Variants in SHTN1 observed in about 807,000 individuals in gnomAD.
SHTN1 encodes shootin-1.
A neutral mutation model predicts 83.1 loss-of-function variants in SHTN1; 42 were observed. The ratio of observed to expected loss-of-function variants is 0.51; its 90% CI spans 0.39 to 0.65. The LOEUF (loss-of-function observed/expected upper bound fraction) is 0.65, where lower values mean the gene tolerates loss of function less well. Ranked by LOEUF, SHTN1 falls within the 30% of genes least tolerant of loss-of-function variation. SHTN1 has a pLI of 0.00. For synonymous variants in SHTN1, 224 were observed against 247.7 expected, an observed-to-expected ratio of 0.90 and a Z score of 0.90; for missense variants, 622 against 737.8, an observed-to-expected ratio of 0.84 and a Z score of 1.82.
chr10:116,989,743 T>C (rs960660288), intron 1 of SHTN1, among the ~76,000 whole-genome samples: 2 of 152,222 alleles, frequency 1.3e-5, no homozygotes, highest in African/African-American at 4.8e-5. Context: ...GTGTTCTTTG[T>C]TGAAGATGGT....
At chr10:116,912,513 AG>A (rs1195846814) in intron 13 of SHTN1, among the ~76,000 whole-genome samples, 1 of 152,232 alleles carries the variant, frequency 6.6e-6, no homozygotes, top group Non-Finnish European at 1.5e-5. Flanking sequence ...TATTTGAGTT[AG>A]GTGTCTTGAT....
chr10:116,971,622 C>T (rs1363964736), intron 2 of SHTN1, among the ~76,000 whole-genome samples: 1 of 152,156 alleles, frequency 6.6e-6, no homozygotes, highest in Non-Finnish European at 1.5e-5. Context: ...CACAGTGTAG[C>T]ATAAGGCACA....
intron 1 of SHTN1, among the ~76,000 whole-genome samples, chr10:117,118,581 G>A (rs1853883289): frequency 2.0e-5 from 3 of 152,152 alleles, no homozygotes; most frequent in Admixed American, 2.0e-4. Flanking sequence ...TCAATACATT[G>A]AAGGAATATC....
intron 2 of SHTN1, among the ~76,000 whole-genome samples, chr10:117,016,632 C>T (rs1852184934): frequency 6.6e-6 from 1 of 152,152 alleles, no homozygotes; most frequent in African/African-American, 2.4e-5. Context: ...ATCTTGAACT[C>T]CTGACCTTAG....
chr10:116,905,778 T>C (rs1847944248), intron 15 of SHTN1, among the ~76,000 whole-genome samples: 2 of 152,168 alleles, frequency 1.3e-5, no homozygotes, highest in South Asian at 4.1e-4. Context: ...TAATTTTACT[T>C]TAAGGTAGTT....
At chr10:116,967,157 G>A (rs1174828714) in intron 3 of SHTN1, among the ~76,000 whole-genome samples, 1 of 152,210 alleles carries the variant, frequency 6.6e-6, no homozygotes, top group Non-Finnish European at 1.5e-5. Flanking sequence ...ATGGAGAAAG[G>A]CCTTGTTTCC....
chr10:117,104,400 G>C (rs1370804110), intron 1 of SHTN1, among the ~76,000 whole-genome samples: 1 of 152,096 alleles, frequency 6.6e-6, no homozygotes, highest in African/African-American at 2.4e-5. Flanking sequence ...CCTCCATTAG[G>C]GCTGTTCCTC....
intron 1 of SHTN1, among the ~76,000 whole-genome samples, chr10:117,112,413 C>T (rs1482426196): frequency 6.6e-6 from 1 of 152,168 alleles, no homozygotes; most frequent in South Asian, 2.1e-4. Flanking sequence ...TTTCCTCCCA[C>T]CACCAATAGA....
chr10:116,954,022 A>T lies in SHTN1; in HGVS notation c.436+20T>A. ...TAACGGGGTAAAAAATATGCTCAATAATTAAGCAAAGAGTTCTACCTTTAA... is the reference window on the plus strand; with the variant it reads ...TAACGGGGTAAAAAATATGCTCAATTATTAAGCAAAGAGTTCTACCTTTAA... On this transcript the variant is annotated intron_variant, in intron 5 of 16. Transcript: ENST00000355371. The T allele has an allele frequency of 6.3e-7, 1 of 1,590,422 alleles. No individual in the cohort carries two copies. Among genetic ancestry groups the T allele is most frequent in the Non-Finnish European group, 8.6e-7 (1 of 1,168,196 alleles).
At chr10:117,000,064 A>C (rs1415865293) in intron 1 of SHTN1, among the ~76,000 whole-genome samples, 1 of 152,210 alleles carries the variant, frequency 6.6e-6, no homozygotes, top group Non-Finnish European at 1.5e-5. Context: ...CTTTCAGAGG[A>C]AAATGCATTG....
intron 3 of SHTN1, among the ~76,000 whole-genome samples, chr10:116,967,471 T>C (rs559505433): frequency 2.0e-3 from 312 of 152,326 alleles, no homozygotes; most frequent in African/African-American, 7.2e-3. Flanking sequence ...AAGCCATACA[T>C]ATTTCATGCA....
At position 116,881,867 on chromosome 10, in the gene SHTN1, C is replaced by T. The variant is rs905866111; in HGVS notation, c.*4477G>A. The stretch of plus-strand genomic sequence containing the variant: ...AAATTCTGTGAACTTCGTTTTGCAG[C>T]CACCACACTTCCATGTGGATTTTGT... On this transcript the variant is annotated 3_prime_UTR_variant, in exon 17 of 17. Transcript: ENST00000355371. 4.7e-6 allele frequency: 2 copies of T among 425,086 alleles called. No homozygotes were observed. Among genetic ancestry groups the T allele is most frequent in the Non-Finnish European group, 8.1e-6 (2 of 245,602 alleles). The allele number at this position is 425,086 out of a possible 1,614,324, so 26.3% of individuals were successfully genotyped here. A position where few individuals can be genotyped will look rare whatever the true frequency, so the allele number is the denominator to read the frequency against.
intron 1 of SHTN1, among the ~76,000 whole-genome samples, chr10:117,125,400 C>G (rs1200594183): frequency 1.3e-5 from 2 of 152,238 alleles, no homozygotes; most frequent in South Asian, 2.1e-4. Flanking sequence ...AGACACCTAC[C>G]TACTTTCTAT....
intron 16 of SHTN1, among the ~76,000 whole-genome samples, chr10:116,896,610 CAT>C (rs1847530158): frequency 6.6e-6 from 1 of 152,118 alleles, no homozygotes; most frequent in Non-Finnish European, 1.5e-5. Flanking sequence ...CATTTGGAAA[CAT>C]ATGTTGAATA....
chr10:117,088,947 T>C (rs957232403), intron 1 of SHTN1, among the ~76,000 whole-genome samples: 6 of 152,200 alleles, frequency 3.9e-5, no homozygotes, highest in Admixed American at 3.3e-4. Flanking sequence ...TTAAGTATCA[T>C]GTCCCATTCC....
intron 2 of SHTN1, among the ~76,000 whole-genome samples, chr10:116,969,746 C>A (rs1182669058): frequency 6.6e-6 from 1 of 151,984 alleles, no homozygotes; most frequent in African/African-American, 2.4e-5. Flanking sequence ...TATTGATAGG[C>A]CCTGGAGGCA....
intron 1 of SHTN1, among the ~76,000 whole-genome samples, chr10:117,100,193 A>C (rs978837094): frequency 6.6e-6 from 1 of 152,178 alleles, no homozygotes; most frequent in African/African-American, 2.4e-5. Context: ...ATAAATTATA[A>C]ATAAAAAATA....
rs549017257 is a variant in SHTN1, at chr10:116,940,760, CTA to C, written c.712-150_712-149del. ...CTATAAGTTTTAGAAGTAGTGATTG[CTA>C]TGATTTCATTCCTTTTATATAATCT... On this transcript the variant is annotated intron_variant, in intron 8 of 16. Coordinates refer to ENST00000355371, the MANE Select transcript of SHTN1 (RefSeq NM_001127211.3). 1,495 of 551,874 alleles carry C rather than the reference CTA, an allele frequency of 2.7e-3. 10 individuals carry two copies. The highest frequency in any genetic ancestry group is 3.2e-3 in the Non-Finnish European group (1,048 of 328,446). 34.2% of individuals were successfully genotyped at this position (551,874 alleles called of 1,614,324 possible). A position where few individuals can be genotyped will look rare whatever the true frequency, so the allele number is the denominator to read the frequency against.
intron 1 of SHTN1, among the ~76,000 whole-genome samples, chr10:116,988,634 A>G (rs191956740): frequency 1.6e-3 from 247 of 151,826 alleles, no homozygotes; most frequent in African/African-American, 5.7e-3. Flanking sequence ...ATGTAACCCC[A>G]AACTCCTAGG....
Sources: allele counts gnomAD v4.1 joint callset (sites outside exome capture counted in the v4.1 genomes callset), GRCh38; gene constraint gnomAD v4.1.1; transcripts MANE v1.5; gene names NCBI Gene and HGNC (gene_info 2026-07-23, HGNC 2026-07-21).